RPS6KC1: variants seen among roughly 807,000 people sequenced by gnomAD.
RPS6KC1 encodes inactive ribosomal protein S6 kinase delta-1.
In RPS6KC1, 54 loss-of-function variants were observed where a neutral mutation model predicts 103.8. That is an observed-to-expected ratio of 0.52 (90% CI 0.42 to 0.65). RPS6KC1 has a LOEUF of 0.65. Ranked by LOEUF, RPS6KC1 falls within the 30% of genes least tolerant of loss-of-function variation. RPS6KC1 has a pLI of 0.00. For synonymous variants in RPS6KC1, 439 were observed against 438.7 expected, an observed-to-expected ratio of 1.00 and a Z score of -0.01; for missense variants, 1,151 against 1,253.8, an observed-to-expected ratio of 0.92 and a Z score of 1.24.
the RPS6KC1 span, among the ~76,000 whole-genome samples, chr1:213,332,029 T>TAAAAAAA: frequency 1.5e-5 from 2 of 133,398 alleles, no homozygotes; most frequent in African/African-American, 2.8e-5. Context: ...CACAAGATCT[T>TAAAAAAA]AAAAAAAAAA....
At chr1:213,810,533 G>A in the RPS6KC1 span, among the ~76,000 whole-genome samples, 1 of 152,330 alleles carries the variant, frequency 6.6e-6, no homozygotes, top group East Asian at 1.9e-4. Flanking sequence ...CAAGGGGTTA[G>A]TTGATAAATG....
At chr1:213,826,869 C>T in the RPS6KC1 span, among the ~76,000 whole-genome samples, 1 of 152,150 alleles carries the variant, frequency 6.6e-6, no homozygotes, top group Non-Finnish European at 1.5e-5. Context: ...GGAAATAGAG[C>T]CAAGATTTCA....
chr1:213,074,613 A>G lies in RPS6KC1; in HGVS notation c.142-3083A>G, dbSNP rs73086335. Reference sequence around the variant, plus strand: ...GGATGTGACATTTTGCGATGCTGTTAGGTATTTTGGTTCTGCAGCCCTAGA... The same window carrying G: ...GGATGTGACATTTTGCGATGCTGTTGGGTATTTTGGTTCTGCAGCCCTAGA... On this transcript the variant is annotated intron_variant, in intron 2 of 14. Transcript: ENST00000366960. Among the ~76,000 whole-genome samples the G allele has an allele frequency of 4.6e-3, 697 of 152,188 alleles. 10 individuals carry two copies. Among genetic ancestry groups the G allele is most frequent in the African/African-American group, 0.016 (660 of 41,520 alleles).
the RPS6KC1 span, among the ~76,000 whole-genome samples, chr1:213,672,063 A>G: frequency 2.3e-4 from 35 of 152,098 alleles, no homozygotes; most frequent in East Asian, 6.4e-3. Context: ...TCTACTATCC[A>G]AGGATAGGTT....
intron 2 of RPS6KC1, among the ~76,000 whole-genome samples, chr1:213,074,692 A>G (rs2079150980): frequency 6.6e-6 from 1 of 152,102 alleles, no homozygotes; most frequent in South Asian, 2.1e-4. Flanking sequence ...GAAGAAACAC[A>G]GATTCTCACC....
the RPS6KC1 span, among the ~76,000 whole-genome samples, chr1:213,328,531 TATATATATATCA>T: frequency 1.3e-4 from 13 of 96,838 alleles, no homozygotes; most frequent in African/African-American, 3.2e-4. Context: ...TATATATATA[TATATATATATCA>T]CACACACACG....
the RPS6KC1 span, among the ~76,000 whole-genome samples, chr1:213,422,846 C>T: frequency 6.6e-6 from 1 of 152,156 alleles, no homozygotes; most frequent in East Asian, 1.9e-4. Context: ...CTAATGCTTC[C>T]CTCAAAAAAT....
the RPS6KC1 span, among the ~76,000 whole-genome samples, chr1:213,763,698 G>A: frequency 1.3e-5 from 2 of 152,184 alleles, no homozygotes; most frequent in Non-Finnish European, 2.9e-5. Context: ...TGGAATAAAC[G>A]AGTAAGATTC....
the RPS6KC1 span, among the ~76,000 whole-genome samples, chr1:213,721,475 C>A: frequency 6.6e-6 from 1 of 152,218 alleles, no homozygotes. Flanking sequence ...TTGCCTGCCA[C>A]CATGTAGGAC....
At chr1:213,630,236 TG>T in the RPS6KC1 span, among the ~76,000 whole-genome samples, 3 of 152,262 alleles carry the variant, frequency 2.0e-5, no homozygotes. Flanking sequence ...GACGTAGATT[TG>T]GTCTTTTCAC....
At chr1:213,120,644 G>T (rs2084275047) in intron 5 of RPS6KC1, among the ~76,000 whole-genome samples, 1 of 152,114 alleles carries the variant, frequency 6.6e-6, no homozygotes, top group Non-Finnish European at 1.5e-5. Flanking sequence ...ATGTGAGGAA[G>T]TGATTCACCC....
intron 7 of RPS6KC1, among the ~76,000 whole-genome samples, chr1:213,168,320 T>A (rs941757677): frequency 5.9e-5 from 9 of 152,238 alleles, no homozygotes; most frequent in Non-Finnish European, 1.3e-4. Flanking sequence ...TTTTATTGAT[T>A]CATGTTAAAA....
chr1:213,755,339 T>C, the RPS6KC1 span, among the ~76,000 whole-genome samples: 7 of 152,236 alleles, frequency 4.6e-5, 1 homozygote, highest in South Asian at 6.2e-4. Context: ...CTAAGTACTC[T>C]TGTCTCACGA....
intron 2 of RPS6KC1, among the ~76,000 whole-genome samples, chr1:213,071,292 G>C (rs1344182897): frequency 6.6e-6 from 1 of 152,090 alleles, no homozygotes; most frequent in Non-Finnish European, 1.5e-5. Context: ...ACCACACTCA[G>C]CTATTTTTGT....
intron 8 of RPS6KC1, among the ~76,000 whole-genome samples, chr1:213,199,090 C>A (rs978503497): frequency 9.2e-5 from 14 of 152,178 alleles, no homozygotes; most frequent in African/African-American, 3.4e-4. Context: ...ATCATTCCCA[C>A]TGAAACTATT....
chr1:213,486,840 T>C, the RPS6KC1 span, among the ~76,000 whole-genome samples: 1 of 152,240 alleles, frequency 6.6e-6, no homozygotes, highest in Non-Finnish European at 1.5e-5. Flanking sequence ...TAGGCCTATA[T>C]ATAAAAGTTT....
chr1:213,541,798 C>A, the RPS6KC1 span, among the ~76,000 whole-genome samples: 3 of 152,090 alleles, frequency 2.0e-5, no homozygotes, highest in East Asian at 5.8e-4. Context: ...GGCCAGTGCT[C>A]CATGAACAGA....
chr1:213,705,891 C>T, the RPS6KC1 span, among the ~76,000 whole-genome samples: 1 of 152,160 alleles, frequency 6.6e-6, no homozygotes, highest in African/African-American at 2.4e-5. Flanking sequence ...CTAGAAGCTA[C>T]AGCCTAGAAA....
At chr1:213,052,368 A>G (rs1398501749) in intron 1 of RPS6KC1, among the ~76,000 whole-genome samples, 1 of 152,194 alleles carries the variant, frequency 6.6e-6, no homozygotes, top group Non-Finnish European at 1.5e-5. Flanking sequence ...AACTTGCCCA[A>G]CTTTACATTG....
Sources: gnomAD v4.1 joint callset for allele counts (sites outside exome capture counted in the v4.1 genomes callset) on GRCh38, gnomAD v4.1.1 for gene constraint, MANE v1.5 for transcripts, NCBI Gene and HGNC (gene_info 2026-07-23, HGNC 2026-07-21) for gene names.